Variants in DPP7 observed in about 807,000 individuals in gnomAD.
DPP7 encodes dipeptidyl peptidase 7.
DPP7 carries 74 observed loss-of-function variants against 58.8 expected under a neutral mutation model. The ratio of observed to expected loss-of-function variants is 1.26; its 90% CI spans 1.04 to 1.53. The LOEUF (loss-of-function observed/expected upper bound fraction) is 1.53. Ranked by LOEUF, DPP7 falls within the 40% of genes most tolerant of loss-of-function variation. DPP7 has a pLI of 0.00. For missense variants in DPP7, 807 were observed against 692.3 expected (o/e 1.17, Z -1.86); for synonymous variants, 350 against 303.6 (o/e 1.15, Z -1.59).
Position 137,113,287 on chromosome 9 carries a change from C to T in DPP7, c.622G>A (p.Asp208Asn), listed in dbSNP as rs1448799554. The T allele has an allele frequency of 6.2e-7, 1 of 1,613,594 alleles. No homozygotes were observed. The highest frequency in any genetic ancestry group is 2.2e-5 in the East Asian group (1 of 44,878). The change falls in exon 6 of 13, where the codon GAC (aspartate) becomes AAC (asparagine). Residue 208 changes from aspartate to asparagine, a missense_variant and splice_region_variant. This residue lies in a region of DPP7 where 624 missense variants were observed against 531.2 expected (regional missense o/e 1.17). Coordinates refer to ENST00000371579, the MANE Select transcript of DPP7 (RefSeq NM_013379.3). Reference sequence around the variant, plus strand: ...CATTTGGGACTCTGGCCCTCAAAGTCCTGGGGGAAAGAGACCGTGCTGACT... The same window carrying T: ...CATTTGGGACTCTGGCCCTCAAAGTTCTGGGGGAAAGAGACCGTGCTGACT... Reference protein sequence around the residue: ...SNQFFRDVTADFEGQSPKCTQ... With the variant: ...SNQFFRDVTANFEGQSPKCTQ...
chr9:137,112,872 G>C (rs1353781866), intron 7 of DPP7, 67 bp from the exon 8 acceptor site: 3 of 1,601,506 alleles, frequency 1.9e-6, no homozygotes, highest in African/African-American at 2.7e-5. Context: ...CTGGCTCCCA[G>C]GATGAGGGTC....
Position 137,110,777 on chromosome 9 carries a change from G to T in DPP7, c.1350C>A (p.Ser450=). 1 of 1,604,872 alleles carries T rather than the reference G, an allele frequency of 6.2e-7. No individual in the cohort carries two copies. ...CCACGGAAGCAGGATCTTCTGGGTG[G>T]GAGGCTCTGGGGAGCGGGCACAGAG... is the stretch of plus-strand genomic sequence containing the variant. The part of the protein sequence containing the change: ...GGAHHLDLRA[S]HPEDPASVVE... Residue 450 remains serine (S), a synonymous_variant, in exon 13 of 13, where the codon TCC becomes TCA. Coordinates refer to ENST00000371579, the MANE Select transcript of DPP7 (RefSeq NM_013379.3).
At chr9:137,112,693 A>G in intron 8 of DPP7, 52 bp downstream of exon 8, 1 of 1,561,020 alleles carries the variant, frequency 6.4e-7, no homozygotes, top group Non-Finnish European at 8.6e-7. Context: ...CCAGGACCCA[A>G]GCCAAGCCTG....
At chr9:137,116,960 A>G (rs1831654934), upstream of DPP7, among the ~76,000 whole-genome samples, 1 of 152,138 alleles carries the variant, frequency 6.6e-6, no homozygotes, top group Admixed American at 6.5e-5. Flanking sequence ...CCTTCAAGCT[A>G]TTTGTGACAC....
In DPP7 at chr9:137,114,469, C is replaced by T. The variant is rs751830416; in HGVS notation, c.175G>A (p.Val59Met). 1.3e-6 allele frequency: 2 copies of T among 1,570,164 alleles called. No homozygotes were observed. Among genetic ancestry groups the T allele is most frequent in the African/African-American group, 2.7e-5 (2 of 73,418 alleles). ...GNKTFPQRFL[V>M]SDRFWVRGEG... is the part of the protein sequence containing the mutation. ...GCCGGGGCCGGGGTCTCACCCGACACCAGGAAGCGCTGAGGGAAGGTCTTG... is the reference window on the plus strand; with the variant it reads ...GCCGGGGCCGGGGTCTCACCCGACATCAGGAAGCGCTGAGGGAAGGTCTTG... The change falls in exon 2 of 13, where the codon GTG (valine) becomes ATG (methionine). Residue 59 changes from valine to methionine, a missense_variant. Coordinates refer to ENST00000371579, the MANE Select transcript of DPP7 (RefSeq NM_013379.3).
upstream of DPP7, chr9:137,114,854 C>A (rs370471213): frequency 8.5e-4 from 423 of 495,324 alleles, 4 homozygotes; most frequent in East Asian, 0.016. Context: ...CGGGGCTGTG[C>A]CCCCCAACAC....
chr9:137,113,156 A>T (rs1831461300), intron 6 of DPP7, 37 bp from the exon 7 acceptor site: 1 of 1,613,716 alleles, frequency 6.2e-7, no homozygotes, highest in African/African-American at 1.3e-5. Context: ...GTTTGGGCAT[A>T]GCTGGCGCTG....
chr9:137,112,629 TGGGGCAGGAGGCAAAGCCCCTGGCC>T (rs1831427772), intron 8 of DPP7, 91 bp downstream of exon 8: 3 of 1,281,180 alleles, frequency 2.3e-6, no homozygotes, highest in Non-Finnish European at 3.2e-6. Context: ...ACCACAGCCC[TGGGGCAGGAGGCAAAGCCCCTGGCC>T]GGGCTGCGGA....
chr9:137,110,653 G>C lies in DPP7; in HGVS notation c.1474C>G (p.Leu492Val), dbSNP rs565823684. 3.1e-6 allele frequency: 5 copies of C among 1,609,552 alleles called. No individual in the cohort carries two copies. The Admixed American group carries it at 8.3e-5, about 27-fold the overall frequency. ...AGACCCCTCCAGTCCTGTGCTCAGA[G>C]GCTGAGTCTGGGCCCCCCACGCAGA... ...PALRGGPRLS[L>V] Residue 492 changes from leucine (L) to valine (V), a missense_variant, in exon 13 of 13, where the codon CTC (leucine) becomes GTC (valine). Leu to Val is a conservative substitution (Grantham distance 32). Coordinates refer to ENST00000371579, the MANE Select transcript of DPP7 (RefSeq NM_013379.3).
At position 137,112,793 on chromosome 9, in the gene DPP7, G is replaced by C. The variant is rs779827484; in HGVS notation, c.883C>G (p.Arg295Gly). The C allele has an allele frequency of 1.2e-6, 2 of 1,609,586 alleles. No individual in the cohort carries two copies. The highest frequency in any genetic ancestry group is 1.3e-5 in the African/African-American group (1 of 75,038). The change falls in exon 8 of 13, where the codon CGG becomes GGG. Residue 295 changes from arginine (R) to glycine (G), a missense_variant. By Grantham distance (125) the Arg-to-Gly change is moderately radical. Coordinates refer to ENST00000371579, the MANE Select transcript of DPP7 (RefSeq NM_013379.3). ...ATCCTCTGGGCCTCACTCAGCAGCC[G>C]ATCACAGCCCACCTGGAGTGCAGGG... ...PANPVKVGCD[R>G]LLSEAQRITG...
Position 137,114,630 on chromosome 9 carries a change from G to T in DPP7, c.67+17C>A, listed in dbSNP as rs1369534702. ...GGGCCGGGACCGGGGAATGGGCCGG[G>T]GGGCGCCGCCACTCACCCCCCGCCT... On this transcript the variant is annotated intron_variant, in intron 1 of 12. Coordinates refer to ENST00000371579, the MANE Select transcript of DPP7 (RefSeq NM_013379.3). 7.1e-7 allele frequency: 1 copy of T among 1,401,436 alleles called. No individual in the cohort carries two copies. The highest frequency in any genetic ancestry group is 3.1e-5 in the East Asian group (1 of 32,688). 86.8% of individuals were successfully genotyped at this position (1,401,436 alleles called of 1,614,324 possible). A position where few individuals can be genotyped will look rare whatever the true frequency, so the allele number is the denominator to read the frequency against.
intron 11 of DPP7, among the ~76,000 whole-genome samples, chr9:137,111,448 C>T (rs1171123960): frequency 3.3e-5 from 5 of 152,202 alleles, no homozygotes; most frequent in Admixed American, 2.0e-4. Flanking sequence ...CCCAAGAGTT[C>T]GAGACCAGCC....
rs772924500 is a variant in DPP7 at position 137,113,507 on chromosome 9, G to A, written c.486-11C>T. ...AGCATCCCCCCATAACTGGGTGAGG[G>A]ACACAGGGTTAGGGCTGCTGCCCCC... On this transcript the variant is annotated splice_polypyrimidine_tract_variant and intron_variant, in intron 4 of 12. Coordinates refer to ENST00000371579, the MANE Select transcript of DPP7 (RefSeq NM_013379.3). The A allele has an allele frequency of 6.5e-7, 1 of 1,547,924 alleles. No homozygotes were observed.
chr9:137,115,222 T>G (rs1352153392), upstream of DPP7: 1 of 150,730 alleles, frequency 6.6e-6, no homozygotes, highest in Non-Finnish European at 1.5e-5. Flanking sequence ...CGGGCAGGAG[T>G]GTGGGGTGCC....
At chr9:137,114,108 GCCCGGCACCCGCGTGC>G in intron 3 of DPP7, 80 bp from the exon 4 acceptor site, 1 of 167,426 alleles carries the variant, frequency 6.0e-6, no homozygotes, top group African/African-American at 1.2e-4. Context: ...CCGCGACCCC[GCCCGGCACCCGCGTGC>G]CCCGCGACCC....
chr9:137,111,365 G>C (rs920935392), intron 11 of DPP7, among the ~76,000 whole-genome samples: 42 of 150,230 alleles, frequency 2.8e-4, no homozygotes, highest in East Asian at 1.2e-3. Flanking sequence ...GGTGAGACGG[G>C]AGCAGGGTAG....
At chr9:137,116,766 C>T (rs1166172493), upstream of DPP7, among the ~76,000 whole-genome samples, 2 of 152,208 alleles carry the variant, frequency 1.3e-5, no homozygotes, top group African/African-American at 4.8e-5. Context: ...CCCCTGGGAA[C>T]GGAATGTCTC....
At chr9:137,111,550 G>A (rs557608719) in intron 11 of DPP7, 140 bp downstream of exon 11, 388 of 889,360 alleles carry the variant, frequency 4.4e-4, no homozygotes, top group Admixed American at 2.1e-3. Flanking sequence ...CAGTTACTGG[G>A]AGGCTTGAGC....
intron 7 of DPP7, 40 bp from the exon 8 acceptor site, chr9:137,112,845 C>A: frequency 6.2e-7 from 1 of 1,603,316 alleles, no homozygotes; most frequent in East Asian, 2.3e-5. Flanking sequence ...GGGGTCCCCT[C>A]CACCAGCTCC....
Sources: allele counts gnomAD v4.1 joint callset (sites outside exome capture counted in the v4.1 genomes callset), GRCh38; gene constraint gnomAD v4.1.1; regional missense constraint gnomAD v4.1.1; transcripts MANE v1.5; gene names NCBI Gene and HGNC (gene_info 2026-07-23, HGNC 2026-07-21).